The following SLC25A12 variants were observed in gnomAD, a reference collection of about 807,000 sequenced individuals.
The protein encoded by SLC25A12 is solute carrier family 25 member 12.
A neutral mutation model predicts 83.3 loss-of-function variants in SLC25A12; 32 were observed. That is an observed-to-expected ratio of 0.38 (90% CI 0.29 to 0.52). The LOEUF (loss-of-function observed/expected upper bound fraction) is 0.52. SLC25A12 is among the 20% of genes least tolerant of loss of function. The pLI, the probability that SLC25A12 is intolerant of heterozygous loss-of-function variation, is 0.84. For missense variants in SLC25A12, 611 were observed against 835.6 expected, an observed-to-expected ratio of 0.73 and a Z score of 3.31; for synonymous variants, 267 against 291.1, an observed-to-expected ratio of 0.92 and a Z score of 0.84.
chr2:171,837,001 AC>A, intron 6 of SLC25A12, 119 bp downstream of exon 6: 1 of 936,560 alleles, frequency 1.1e-6, no homozygotes, highest in East Asian at 2.6e-5. Context: ...TTTACTTTCT[AC>A]CAACCAAGCA....
chr2:171,841,206 A>C (rs1434631343), intron 5 of SLC25A12, among the ~76,000 whole-genome samples: 4 of 152,066 alleles, frequency 2.6e-5, no homozygotes, highest in African/African-American at 4.8e-5. Flanking sequence ...CAGCCTCCCA[A>C]GTAGCTGGGA....
At chr2:171,849,799 A>G (rs7604933) in intron 4 of SLC25A12, among the ~76,000 whole-genome samples, 123,649 of 151,714 alleles carry the variant, frequency 0.82, 51,527 homozygotes, top group Middle Eastern at 0.91. Flanking sequence ...CTCGTGATCC[A>G]CCCGCCTCGG....
In SLC25A12 at chr2:171,834,026, C is replaced by A; in HGVS notation, c.782G>T (p.Gly261Val). The A allele has an allele frequency of 6.2e-7, 1 of 1,610,164 alleles. No individual in the cohort carries two copies. ...EEFAQSAIRY[G>V]QVTPLEIDIL... ...ATCAATTTCTAGTGGTGTGACTTGT[C>A]CATAGCGTATGGCACTCTGGGCAAA... Residue 261 changes from glycine (G) to valine (V), a missense_variant, in exon 8 of 18, where the codon GGA (glycine) becomes GTA (valine). Physicochemically the swap from Gly to Val is moderately radical, Grantham distance 109 (BLOSUM62 -3). Coordinates refer to ENST00000422440, the MANE Select transcript of SLC25A12 (RefSeq NM_003705.5).
chr2:171,867,646 A>G (rs1025662638), intron 3 of SLC25A12, among the ~76,000 whole-genome samples: 1 of 152,126 alleles, frequency 6.6e-6, no homozygotes, highest in Non-Finnish European at 1.5e-5. Flanking sequence ...GGGGAGAGGG[A>G]GAGGGAGAGG....
chr2:171,884,867 A>G (rs139106159), intron 2 of SLC25A12, among the ~76,000 whole-genome samples: 84 of 152,174 alleles, frequency 5.5e-4, no homozygotes, highest in Middle Eastern at 3.4e-3. Flanking sequence ...TCTTATCTCT[A>G]TAAAGGTAGA....
chr2:171,861,991 T>C (rs115488918), intron 3 of SLC25A12, among the ~76,000 whole-genome samples: 2 of 152,224 alleles, frequency 1.3e-5, no homozygotes, highest in African/African-American at 4.8e-5. Flanking sequence ...GTGTGTTTTT[T>C]AAAAATTTTC....
chr2:171,815,251 A>T, intron 9 of SLC25A12, 49 bp from the exon 10 acceptor site: 11 of 1,263,890 alleles, frequency 8.7e-6, no homozygotes, highest in African/African-American at 1.5e-5. Flanking sequence ...CGCACACAGC[A>T]AGTGAAAAAG....
chr2:171,853,799 A>C (rs975055411), intron 4 of SLC25A12, among the ~76,000 whole-genome samples: 6 of 152,218 alleles, frequency 3.9e-5, no homozygotes, highest in Admixed American at 2.0e-4. Context: ...CAACAATGGC[A>C]TGTGTCTTAT....
chr2:171,807,735 G>A (rs554447991), intron 13 of SLC25A12, among the ~76,000 whole-genome samples: 1 of 152,184 alleles, frequency 6.6e-6, no homozygotes, highest in East Asian at 1.9e-4. Context: ...TTCATTTTTG[G>A]TGATCCACCT....
intron 2 of SLC25A12, among the ~76,000 whole-genome samples, chr2:171,871,264 G>A (rs1558939656): frequency 4.6e-5 from 7 of 151,664 alleles, no homozygotes; most frequent in Admixed American, 1.3e-4. Flanking sequence ...ATATCAGCCT[G>A]CATAAGAAGT....
intron 11 of SLC25A12, among the ~76,000 whole-genome samples, chr2:171,811,869 A>G (rs1344929475): frequency 6.6e-6 from 1 of 152,198 alleles, no homozygotes; most frequent in Non-Finnish European, 1.5e-5. Flanking sequence ...TTTGCAATTT[A>G]AAAGTATACC....
chr2:171,834,593 G>A (rs1311814780), intron 7 of SLC25A12, 134 bp downstream of exon 7: 2 of 1,020,368 alleles, frequency 2.0e-6, no homozygotes, highest in East Asian at 2.5e-5. Flanking sequence ...TGGAGCCCAA[G>A]TAAAGCATAC....
At chr2:171,799,371 G>A (rs1391679350) in intron 13 of SLC25A12, among the ~76,000 whole-genome samples, 1 of 152,178 alleles carries the variant, frequency 6.6e-6, no homozygotes, top group Non-Finnish European at 1.5e-5. Flanking sequence ...TAGGCATAAA[G>A]TTGGACTACA....
At position 171,815,149 on chromosome 2, in the gene SLC25A12, G is replaced by A; in HGVS notation, c.984C>T (p.Tyr328=). Residue 328 remains tyrosine, a synonymous_variant, in exon 10 of 18, where the codon TAC becomes TAT. Transcript: ENST00000422440. ...CAGCAACTGAGCCCAGAGTGAATCT[G>A]TAAGCAGACTCGGCAATCTGGAGCC... ...PIWLQIAESA[Y]RFTLGSVAGA... 20 of 1,613,812 alleles carry A rather than the reference G, an allele frequency of 1.2e-5. No individual in the cohort carries two copies. Among genetic ancestry groups the A allele is most frequent in the Non-Finnish European group, 1.7e-5 (20 of 1,179,794 alleles).
intron 6 of SLC25A12, 131 bp downstream of exon 6, chr2:171,836,990 G>A: frequency 1.2e-6 from 1 of 815,282 alleles, no homozygotes; most frequent in East Asian, 2.7e-5. Context: ...ACACAAACCT[G>A]TTTACTTTCT....
At chr2:171,879,241 A>G (rs1318387599) in intron 2 of SLC25A12, among the ~76,000 whole-genome samples, 2 of 152,238 alleles carry the variant, frequency 1.3e-5, no homozygotes, top group African/African-American at 4.8e-5. Flanking sequence ...AATTTTGATT[A>G]GCACTTTCAG....
chr2:171,873,101 G>A (rs1685491497), intron 2 of SLC25A12, among the ~76,000 whole-genome samples: 1 of 152,188 alleles, frequency 6.6e-6, no homozygotes, highest in South Asian at 2.1e-4. Flanking sequence ...AAAGGTGAGT[G>A]AAGGAGAGAA....
At chr2:171,866,965 C>G (rs1254642935) in intron 3 of SLC25A12, among the ~76,000 whole-genome samples, 2 of 145,406 alleles carry the variant, frequency 1.4e-5, no homozygotes, top group African/African-American at 2.6e-5. Flanking sequence ...ATGGGGCGGC[C>G]AGGCAGAGAC....
At position 171,843,777 on chromosome 2, in the gene SLC25A12, G is replaced by A. The variant is rs534735444; in HGVS notation, c.465+592C>T. ...AAGTCTGTGATAAAGAGGGAGAGGA[G>A]AGAGGTGAAAGAACTAGCTTTTTTT... On this transcript the variant is annotated intron_variant, in intron 5 of 17. Transcript: ENST00000422440. Among the ~76,000 whole-genome samples, 35 of 149,716 alleles carry A rather than the reference G, an allele frequency of 2.3e-4. No homozygotes were observed. In the South Asian group the frequency reaches 7.3e-3, roughly 31 times the overall value.
Sources: gnomAD v4.1 joint callset for allele counts (sites outside exome capture counted in the v4.1 genomes callset) on GRCh38, gnomAD v4.1.1 for gene constraint, MANE v1.5 for transcripts, NCBI Gene and HGNC (gene_info 2026-07-23, HGNC 2026-07-21) for gene names.